Variants in ARHGAP24 observed in about 807,000 individuals in gnomAD.
ARHGAP24 encodes the protein rho GTPase-activating protein 24.
Under a neutral mutation model 76.4 loss-of-function variants are expected in ARHGAP24, and 50 were observed. The ratio of observed to expected loss-of-function variants is 0.65; its 90% CI spans 0.52 to 0.83. ARHGAP24 has a LOEUF of 0.83. ARHGAP24 is among the 40% of genes least tolerant of loss of function. The pLI, the probability that ARHGAP24 is intolerant of heterozygous loss-of-function variation, is 0.00. For missense variants in ARHGAP24, 930 were observed against 914.2 expected (o/e 1.02, Z -0.22); for synonymous variants, 345 against 323.3 (o/e 1.07, Z -0.72).
At chr4:85,667,491 A>T (rs754666109) in intron 2 of ARHGAP24, among the ~76,000 whole-genome samples, 1 of 152,026 alleles carries the variant, frequency 6.6e-6, no homozygotes, top group African/African-American at 2.4e-5. Flanking sequence ...CTCACACACA[A>T]TGCACTGCAC....
At chr4:85,577,454 T>C (rs1727426685) in intron 2 of ARHGAP24, among the ~76,000 whole-genome samples, 1 of 152,122 alleles carries the variant, frequency 6.6e-6, no homozygotes, top group South Asian at 2.1e-4. Flanking sequence ...GGACCAGACA[T>C]GGTAGTGGCC....
At chr4:85,630,678 A>G (rs1482238404) in intron 2 of ARHGAP24, among the ~76,000 whole-genome samples, 1 of 152,168 alleles carries the variant, frequency 6.6e-6, no homozygotes, top group African/African-American at 2.4e-5. Context: ...GGTGCCAATC[A>G]TATGAGTATC....
At chr4:85,861,812 T>C (rs1731917929) in intron 3 of ARHGAP24, among the ~76,000 whole-genome samples, 1 of 151,984 alleles carries the variant, frequency 6.6e-6, no homozygotes, top group African/African-American at 2.4e-5. Flanking sequence ...GAGCCTAAGG[T>C]TTTCCCTGCT....
intron 2 of ARHGAP24, among the ~76,000 whole-genome samples, chr4:85,640,036 A>G (rs926659068): frequency 6.6e-6 from 1 of 152,094 alleles, no homozygotes. Flanking sequence ...TCTCTGAGTT[A>G]GCCAATCCCT....
rs578071165 is a variant in ARHGAP24 at position 85,634,335 on chromosome 4, C to T, written c.180+63614C>T. Among the ~76,000 whole-genome samples, 8 of 151,882 alleles carry T rather than the reference C, an allele frequency of 5.3e-5. No individual in the cohort carries two copies. In the East Asian group the frequency reaches 7.7e-4, roughly 15 times the overall value. ...TAAATACTCTATTTTTAATTTCAGC[C>T]TGGAGGAAAATTAAGATCATGATAA... On this transcript the variant is annotated intron_variant, in intron 2 of 9. Transcript: ENST00000395184.
chr4:85,507,739 G>A (rs1724122926), intron 1 of ARHGAP24, among the ~76,000 whole-genome samples: 1 of 152,174 alleles, frequency 6.6e-6, no homozygotes, highest in East Asian at 1.9e-4. Context: ...AAGGGCCTAT[G>A]TAAATCCAAG....
chr4:85,667,828 C>T (rs1722691369), intron 2 of ARHGAP24, among the ~76,000 whole-genome samples: 1 of 152,176 alleles, frequency 6.6e-6, no homozygotes, highest in Non-Finnish European at 1.5e-5. Flanking sequence ...ACCGACTTGT[C>T]TGATTCTCTT....
chr4:85,941,923 G>A (rs1736970599), intron 4 of ARHGAP24, 143 bp from the exon 5 acceptor site: 1 of 809,614 alleles, frequency 1.2e-6, no homozygotes, highest in South Asian at 1.6e-5. Context: ...GAATTTGATT[G>A]TATAATAATG....
chr4:85,913,818 G>C (rs1395745478), intron 3 of ARHGAP24, among the ~76,000 whole-genome samples: 1 of 152,154 alleles, frequency 6.6e-6, no homozygotes, highest in Non-Finnish European at 1.5e-5. Context: ...GAGTCTTGCA[G>C]ATTTGTAATA....
intron 1 of ARHGAP24, among the ~76,000 whole-genome samples, chr4:85,502,299 TA>T (rs1723853896): frequency 6.6e-6 from 1 of 152,192 alleles, no homozygotes; most frequent in South Asian, 2.1e-4. Flanking sequence ...ATTGAATCTA[TA>T]AATTACCTTG....
At chr4:85,728,707 A>T (rs1725273386) in intron 3 of ARHGAP24, among the ~76,000 whole-genome samples, 1 of 152,196 alleles carries the variant, frequency 6.6e-6, no homozygotes. Context: ...ATAATAGGCC[A>T]GCTGAGAAAT....
intron 2 of ARHGAP24, among the ~76,000 whole-genome samples, chr4:85,571,920 G>A (rs191940820): frequency 1.1e-3 from 160 of 152,234 alleles, no homozygotes; most frequent in East Asian, 3.5e-3. Context: ...GTTTGAGTTC[G>A]TATAGCTTTA....
Position 85,505,979 on chromosome 4 carries a change from C to A in ARHGAP24, c.-21+30420C>A, listed in dbSNP as rs1724029500. ...TTAGTTTTCCTTCTAGCAGTCAGGT[C>A]CCTCAGCTGCAGGTCTGTTGGACTT... On this transcript the variant is annotated intron_variant, in intron 1 of 9. Coordinates refer to ENST00000395184, the MANE Select transcript of ARHGAP24 (RefSeq NM_001025616.3). Among the ~76,000 whole-genome samples, 3 of 152,078 alleles carry A rather than the reference C, an allele frequency of 2.0e-5. No individual in the cohort carries two copies. The South Asian group carries it at 6.2e-4, about 32-fold the overall frequency.
intron 2 of ARHGAP24, among the ~76,000 whole-genome samples, chr4:85,652,343 T>C (rs1439861937): frequency 6.6e-6 from 1 of 152,224 alleles, no homozygotes; most frequent in African/African-American, 2.4e-5. Flanking sequence ...CTTTACTGAC[T>C]CCGTCTATGA....
At chr4:85,511,144 A>C (rs964656562) in intron 1 of ARHGAP24, among the ~76,000 whole-genome samples, 15 of 152,226 alleles carry the variant, frequency 9.9e-5, no homozygotes, top group African/African-American at 3.6e-4. Flanking sequence ...TTTAGAAAAC[A>C]TTTTAAAATA....
intron 3 of ARHGAP24, among the ~76,000 whole-genome samples, chr4:85,845,911 CT>C (rs1339009661): frequency 6.6e-6 from 1 of 151,220 alleles, no homozygotes; most frequent in East Asian, 1.9e-4. Flanking sequence ...TTTTCTTTTT[CT>C]TTTTTCTTTT....
At chr4:85,900,083 T>G (rs1734408733) in intron 3 of ARHGAP24, among the ~76,000 whole-genome samples, 2 of 152,238 alleles carry the variant, frequency 1.3e-5, no homozygotes, top group Non-Finnish European at 2.9e-5. Context: ...GTTTATGCTG[T>G]CAACCTGTGG....
intron 3 of ARHGAP24, among the ~76,000 whole-genome samples, chr4:85,804,752 T>C (rs1728721297): frequency 6.6e-6 from 1 of 152,236 alleles, no homozygotes; most frequent in Non-Finnish European, 1.5e-5. Flanking sequence ...GTAAGCTTTC[T>C]ATTCTAACCC....
chr4:85,784,179 T>G (rs1727697313), intron 3 of ARHGAP24, among the ~76,000 whole-genome samples: 1 of 152,158 alleles, frequency 6.6e-6, no homozygotes, highest in African/African-American at 2.4e-5. Flanking sequence ...GTCTTCACCT[T>G]CTGTTCTTTC....
Sources: allele counts gnomAD v4.1 joint callset (sites outside exome capture counted in the v4.1 genomes callset), GRCh38; gene constraint gnomAD v4.1.1; transcripts MANE v1.5; gene names NCBI Gene and HGNC (gene_info 2026-07-23, HGNC 2026-07-21).